The following CNTN5 variants were observed in gnomAD, a reference collection of about 807,000 sequenced individuals.
The protein encoded by CNTN5 is contactin 5.
In CNTN5, 77 loss-of-function variants were observed where a neutral mutation model predicts 129.1. The ratio of observed to expected loss-of-function variants is 0.60; its 90% CI spans 0.50 to 0.72. CNTN5 has a LOEUF of 0.72. Among genes scored for constraint, CNTN5 ranks in the 30% least tolerant of loss-of-function variants. The pLI is 0.00. For synonymous variants in CNTN5, 509 were observed against 465.6 expected (o/e 1.09, Z -1.20); for missense variants, 1,478 against 1,328.8 (o/e 1.11, Z -1.75).
chr11:100,157,459 T>TTAAA (rs1186213390), intron 13 of CNTN5, among the ~76,000 whole-genome samples: 1 of 151,540 alleles, frequency 6.6e-6, no homozygotes, highest in African/African-American at 2.4e-5. Context: ...ATTACAGAAA[T>TTAAA]TAAATAAATG....
chr11:99,779,373 A>G (rs1278564787), intron 3 of CNTN5, among the ~76,000 whole-genome samples: 4 of 151,976 alleles, frequency 2.6e-5, no homozygotes, highest in African/African-American at 9.7e-5. Context: ...ATAAAATTTG[A>G]CTCTCTTGTG....
chr11:100,031,495 T>G (rs1331066357), intron 9 of CNTN5, among the ~76,000 whole-genome samples: 3 of 152,200 alleles, frequency 2.0e-5, no homozygotes, highest in Non-Finnish European at 2.9e-5. Flanking sequence ...TCCATACAGA[T>G]AAGATAGGGC....
chr11:99,133,615 C>CAAAACAA (rs566769880), intron 1 of CNTN5, among the ~76,000 whole-genome samples: 1 of 105,998 alleles, frequency 9.4e-6, no homozygotes, highest in Non-Finnish European at 1.9e-5. Context: ...AGACACTTCT[C>CAAAACAA]AAGAAAAAAA....
intron 3 of CNTN5, among the ~76,000 whole-genome samples, chr11:99,660,653 A>G (rs1952562710): frequency 6.6e-6 from 1 of 152,116 alleles, no homozygotes. Flanking sequence ...CTTGTTTGAA[A>G]TAAAGAAAAT....
intron 2 of CNTN5, among the ~76,000 whole-genome samples, chr11:99,502,418 T>TGG (rs578113990): frequency 2.6e-5 from 4 of 151,848 alleles, no homozygotes; most frequent in African/African-American, 9.7e-5. Flanking sequence ...TCACGGGGGT[T>TGG]GGGGGGGTGG....
intron 23 of CNTN5, among the ~76,000 whole-genome samples, chr11:100,345,154 A>G (rs1458209685): frequency 6.6e-6 from 1 of 152,166 alleles, no homozygotes; most frequent in Non-Finnish European, 1.5e-5. Context: ...TACTTCTCTC[A>G]GTTCTGAAGG....
At chr11:99,733,721 C>T (rs892762297) in intron 3 of CNTN5, among the ~76,000 whole-genome samples, 1 of 152,118 alleles carries the variant, frequency 6.6e-6, no homozygotes, top group African/African-American at 2.4e-5. Context: ...GGTGAGGGGA[C>T]AGAGGTCATA....
chr11:100,120,180 T>C (rs1945970802), intron 13 of CNTN5, among the ~76,000 whole-genome samples: 1 of 151,986 alleles, frequency 6.6e-6, no homozygotes, highest in African/African-American at 2.4e-5. Context: ...AAAATGGAAA[T>C]ACTTAAGCAC....
At position 100,074,454 on chromosome 11, in the gene CNTN5, C is replaced by T. The variant is rs989927075; in HGVS notation, c.1580+160C>T. ...CCTATATAGTGATTTTAAAAGAACC[C>T]AAAGTTTGACTTCAAAATGGTCAGT... On this transcript the variant is annotated intron_variant, in intron 13 of 24. Coordinates refer to ENST00000524871, the MANE Select transcript of CNTN5 (RefSeq NM_014361.4). 4 of 589,088 alleles carry T rather than the reference C, an allele frequency of 6.8e-6. No individual in the cohort carries two copies. The African/African-American group carries it at 7.8e-5, about 11-fold the overall frequency. The allele number at this position is 589,088 out of a possible 1,614,324, so 36.5% of individuals were successfully genotyped here.
intron 7 of CNTN5, among the ~76,000 whole-genome samples, chr11:99,937,927 A>G (rs1950351234): frequency 6.6e-6 from 1 of 152,196 alleles, no homozygotes; most frequent in African/African-American, 2.4e-5. Flanking sequence ...ACAACTTTGC[A>G]TTTTATACCT....
At chr11:99,930,373 T>A (rs1052143885) in intron 7 of CNTN5, among the ~76,000 whole-genome samples, 1 of 152,194 alleles carries the variant, frequency 6.6e-6, no homozygotes, top group Admixed American at 6.5e-5. Flanking sequence ...TATGCCTGGA[T>A]GTGTTTGTTC....
chr11:100,286,584 T>C lies in CNTN5; in HGVS notation c.2315-11041T>C, dbSNP rs1342102176. On this transcript the variant is annotated intron_variant, in intron 18 of 24. Transcript: ENST00000524871. The stretch of plus-strand genomic sequence containing the variant: ...GGAAAACTAACAAACAGAAAGGACA[T>C]CCACACCAAAAACCCATCTGTACAT... 3.7e-3 allele frequency among the ~76,000 whole-genome samples: 540 copies of C among 146,006 alleles called. 2 individuals carry two copies. The highest frequency in any genetic ancestry group is 3.8e-3 in the Non-Finnish European group (252 of 66,120).
chr11:99,237,190 T>A (rs986566290), intron 1 of CNTN5, among the ~76,000 whole-genome samples: 4 of 152,152 alleles, frequency 2.6e-5, no homozygotes, highest in Admixed American at 2.6e-4. Flanking sequence ...ACTCTTTTTT[T>A]ATATTTTCTT....
chr11:99,295,123 T>C (rs558363789), intron 1 of CNTN5, among the ~76,000 whole-genome samples: 39 of 152,154 alleles, frequency 2.6e-4, no homozygotes, highest in Non-Finnish European at 5.1e-4. Flanking sequence ...TTTGAGAGAA[T>C]ACAGTGCACC....
At chr11:99,129,314 G>T (rs1159571347) in intron 1 of CNTN5, among the ~76,000 whole-genome samples, 1 of 152,080 alleles carries the variant, frequency 6.6e-6, no homozygotes, top group Admixed American at 6.6e-5. Context: ...GCAAACACAG[G>T]TATCAATAGC....
At position 99,021,098 on chromosome 11, in the gene CNTN5, A is replaced by C. The variant is rs1234060295; in HGVS notation, c.-382A>C. ...CTGGGTCCCGTCTGCTGCGAGAGGC[A>C]GGGCAAGCTGGAGGATTCCCTCTGA... On this transcript the variant is annotated 5_prime_UTR_variant, in exon 1 of 25. Coordinates refer to ENST00000524871, the MANE Select transcript of CNTN5 (RefSeq NM_014361.4). 1 of 152,500 alleles carries C rather than the reference A, an allele frequency of 6.6e-6. No individual in the cohort carries two copies. Among genetic ancestry groups the C allele is most frequent in the African/African-American group, 2.4e-5 (1 of 41,484 alleles). The allele number at this position is 152,500 out of a possible 1,614,324, so 9.4% of individuals were successfully genotyped here.
chr11:99,395,423 T>C (rs1941470009), intron 2 of CNTN5, among the ~76,000 whole-genome samples: 1 of 151,954 alleles, frequency 6.6e-6, no homozygotes, highest in Non-Finnish European at 1.5e-5. Context: ...TTAAGTTCCT[T>C]ATAGATGCTG....
At chr11:99,888,508 C>G (rs1462725688) in intron 6 of CNTN5, among the ~76,000 whole-genome samples, 1 of 152,158 alleles carries the variant, frequency 6.6e-6, no homozygotes, top group Admixed American at 6.5e-5. Flanking sequence ...CCTAATAAGC[C>G]TATGGTACTA....
At chr11:99,711,994 C>A (rs1955011140) in intron 3 of CNTN5, among the ~76,000 whole-genome samples, 1 of 151,976 alleles carries the variant, frequency 6.6e-6, no homozygotes, top group Non-Finnish European at 1.5e-5. Context: ...TGGGTATATA[C>A]CCAGTAATAT....
Sources: gnomAD v4.1 joint callset for allele counts (sites outside exome capture counted in the v4.1 genomes callset) on GRCh38, gnomAD v4.1.1 for gene constraint, MANE v1.5 for transcripts, NCBI Gene and HGNC (gene_info 2026-07-23, HGNC 2026-07-21) for gene names.